The following ZSCAN25 variants were observed in gnomAD, a reference collection of about 807,000 sequenced individuals.
ZSCAN25 encodes the protein zinc finger and SCAN domain containing 25, also known as zinc finger and SCAN domain-containing protein 25.
A neutral mutation model predicts 38.7 loss-of-function variants in ZSCAN25; 27 were observed. That is an observed-to-expected ratio of 0.70 (90% CI 0.51 to 0.96). The LOEUF (loss-of-function observed/expected upper bound fraction) is 0.96, where lower values mean the gene tolerates loss of function less well. Ranked by LOEUF, ZSCAN25 falls within the 40% of genes least tolerant of loss-of-function variation. The pLI is 0.00. For synonymous variants in ZSCAN25, 273 were observed against 277.7 expected (o/e 0.98, Z 0.17); for missense variants, 637 against 705.9 (o/e 0.90, Z 1.11).
chr7:99,699,361 G>A, the ZSCAN25 span, among the ~76,000 whole-genome samples: 1 of 152,144 alleles, frequency 6.6e-6, no homozygotes, highest in African/African-American at 2.4e-5. Context: ...GGGAGGGGAT[G>A]TTTTGGGACA....
At chr7:99,700,935 T>A in the ZSCAN25 span, among the ~76,000 whole-genome samples, 1 of 152,308 alleles carries the variant, frequency 6.6e-6, no homozygotes, top group Admixed American at 6.5e-5. Context: ...ATAGAAGGCA[T>A]GTTCTGCCAC....
chr7:99,650,140 A>T, the ZSCAN25 span: 1 of 1,614,196 alleles, frequency 6.2e-7, no homozygotes, highest in Non-Finnish European at 8.5e-7. Context: ...TTTCATGTTC[A>T]TGAGAGCAAA....
chr7:99,633,630 A>C (rs776498954), downstream of ZSCAN25, among the ~76,000 whole-genome samples: 17 of 152,228 alleles, frequency 1.1e-4, no homozygotes, highest in Admixed American at 4.6e-4. Flanking sequence ...CAGTGGTGCA[A>C]TTGTAGTTCA....
the ZSCAN25 span, chr7:99,664,056 T>C: frequency 6.3e-7 from 1 of 1,596,742 alleles, no homozygotes; most frequent in Non-Finnish European, 8.5e-7. Flanking sequence ...CAGAGAGACA[T>C]TTAATGCTTC....
chr7:99,713,577 G>A, the ZSCAN25 span: 109 of 1,611,814 alleles, frequency 6.8e-5, no homozygotes, highest in Non-Finnish European at 8.3e-5. Context: ...AAAGTGACTC[G>A]TGAAGTCAGA....
chr7:99,663,945 A>G, the ZSCAN25 span: 4 of 1,567,140 alleles, frequency 2.6e-6, no homozygotes, highest in Admixed American at 2.2e-5. Flanking sequence ...AAACATCGTC[A>G]TTTAACCACC....
At chr7:99,677,089 T>C in the ZSCAN25 span, 1 of 730,520 alleles carries the variant, frequency 1.4e-6, no homozygotes, top group South Asian at 6.2e-5. Flanking sequence ...GTACGTGAAG[T>C]ATCTCTGAGG....
chr7:99,722,222 G>T, the ZSCAN25 span: 11 of 1,590,860 alleles, frequency 6.9e-6, no homozygotes, highest in South Asian at 1.1e-5. Flanking sequence ...TCTGGGCTGA[G>T]ACTATCCTCT....
chr7:99,621,334 C>G, intron 4 of ZSCAN25, 39 bp from the exon 5 acceptor site: 1 of 1,323,424 alleles, frequency 7.6e-7, no homozygotes, highest in Non-Finnish European at 9.8e-7. Flanking sequence ...ACAGCCTTGC[C>G]CAGGCCTCAT....
chr7:99,647,645 C>T, the ZSCAN25 span: 1 of 985,254 alleles, frequency 1.0e-6, no homozygotes, highest in Admixed American at 6.1e-5. Context: ...TCAAAGAAGG[C>T]AGAATGAAAC....
the ZSCAN25 span, chr7:99,722,419 G>A: frequency 1.3e-6 from 2 of 1,569,764 alleles, no homozygotes; most frequent in Admixed American, 3.4e-5. Context: ...AATTGGGGTT[G>A]AAAACAGTCA....
At chr7:99,719,065 A>G in the ZSCAN25 span, among the ~76,000 whole-genome samples, 1 of 152,240 alleles carries the variant, frequency 6.6e-6, no homozygotes, top group African/African-American at 2.4e-5. Flanking sequence ...TAGTGAAGAT[A>G]AAGACTTTCC....
chr7:99,668,440 A>G, the ZSCAN25 span, among the ~76,000 whole-genome samples: 52 of 152,350 alleles, frequency 3.4e-4, no homozygotes, highest in African/African-American at 1.1e-3. Context: ...ATGTATCCCA[A>G]TACAAATGTG....
chr7:99,705,584 T>C, the ZSCAN25 span: 3 of 1,613,396 alleles, frequency 1.9e-6, no homozygotes, highest in African/African-American at 1.3e-5. Context: ...CAAAGCGTAA[T>C]TTCAGGGGGA....
chr7:99,677,624 A>T, the ZSCAN25 span, among the ~76,000 whole-genome samples: 1 of 152,246 alleles, frequency 6.6e-6, no homozygotes, highest in Admixed American at 6.5e-5. Flanking sequence ...GAGAAATTAC[A>T]TGAAGGGCAG....
intron 7 of ZSCAN25, among the ~76,000 whole-genome samples, chr7:99,626,376 G>A (rs1221412914): frequency 6.6e-6 from 1 of 152,178 alleles, no homozygotes; most frequent in Non-Finnish European, 1.5e-5. Flanking sequence ...AGAGTAATGT[G>A]ATGGAGGTTT....
intron 4 of ZSCAN25, chr7:99,620,527 CT>C (rs1806865387): frequency 6.4e-6 from 1 of 155,308 alleles, no homozygotes; most frequent in African/African-American, 2.4e-5. Context: ...GTACAGCCCC[CT>C]GATGGATGAC....
chr7:99,689,649 T>C, the ZSCAN25 span, among the ~76,000 whole-genome samples: 12 of 152,198 alleles, frequency 7.9e-5, no homozygotes. Context: ...AGCATTCTTA[T>C]ACACCAATAA....
At chr7:99,693,213 T>G in the ZSCAN25 span, among the ~76,000 whole-genome samples, 19 of 151,982 alleles carry the variant, frequency 1.3e-4, no homozygotes, top group African/African-American at 3.9e-4. Flanking sequence ...GCCTGGGTAT[T>G]ACCTGCAGAG....
Sources: allele counts gnomAD v4.1 joint callset (sites outside exome capture counted in the v4.1 genomes callset), GRCh38; gene constraint gnomAD v4.1.1; transcripts MANE v1.5; gene names NCBI Gene and HGNC (gene_info 2026-07-23, HGNC 2026-07-21).